PIK3C2B: variants seen among roughly 807,000 people sequenced by gnomAD.
The protein encoded by PIK3C2B is phosphatidylinositol-4-phosphate 3-kinase catalytic subunit type 2 beta.
Under a neutral mutation model 184.3 loss-of-function variants are expected in PIK3C2B, and 83 were observed. The observed-to-expected ratio is 0.45, with a 90% CI of 0.38 to 0.54. The LOEUF is 0.54. PIK3C2B is among the 20% of genes least tolerant of loss of function. PIK3C2B has a pLI of 0.00. For missense variants in PIK3C2B, 1,736 were observed against 2,113.5 expected (o/e 0.82, Z 3.50); for synonymous variants, 779 against 837.6 (o/e 0.93, Z 1.21).
chr1:204,444,858 T>C (rs12077886), intron 16 of PIK3C2B, among the ~76,000 whole-genome samples: 28,630 of 152,214 alleles, frequency 0.19, 3,086 homozygotes, highest in East Asian at 0.44. Context: ...CAGTATTTTA[T>C]ATAAGCCAAT....
At chr1:204,456,360 A>G (rs1654846064) in intron 10 of PIK3C2B, 3 of 233,342 alleles carry the variant, frequency 1.3e-5, no homozygotes, top group Admixed American at 5.7e-5. Flanking sequence ...AGTTGCTTCA[A>G]AAAAGCAAAA....
chr1:204,469,907 TATCA>T (rs1656162176), intron 1 of PIK3C2B, 21 bp from the exon 2 acceptor site: 1 of 670,668 alleles, frequency 1.5e-6, no homozygotes. Flanking sequence ...GGGGTAAAAA[TATCA>T]ATCAGTCACA....
Position 204,459,897 on chromosome 1 carries a change from T to C in PIK3C2B, c.1547A>G (p.Asp516Gly). 6.2e-7 allele frequency: 1 copy of C among 1,613,810 alleles called. No homozygotes were observed. The highest frequency in any genetic ancestry group is 8.5e-7 in the Non-Finnish European group (1 of 1,179,968). ...LLFDTYHNEVDAFLLADGDFP... is the reference protein window; with the variant it reads ...LLFDTYHNEVGAFLLADGDFP... ...ACTCACATCAGCCAGCAGGAAGGCA[T>C]CCACCTCATTGTGGTAAGTGTCGAA... Residue 516 changes from aspartate to glycine, a missense_variant, in exon 8 of 33, where the codon GAT (aspartate) becomes GGT (glycine). Asp to Gly is a moderately conservative substitution (Grantham distance 94, BLOSUM62 -1). This residue lies in a region of PIK3C2B where 609 missense variants were observed against 699.2 expected (regional missense o/e 0.87). Coordinates refer to ENST00000684373, the MANE Select transcript of PIK3C2B (RefSeq NM_001377334.1).
intron 21 of PIK3C2B, 148 bp downstream of exon 21, chr1:204,441,323 A>C: frequency 1.8e-6 from 1 of 568,438 alleles, no homozygotes; most frequent in South Asian, 2.3e-5. Flanking sequence ...GAATTCATCT[A>C]AATCCTTTTT....
chr1:204,485,576 C>T (rs540996477), intron 1 of PIK3C2B, among the ~76,000 whole-genome samples: 1 of 140,438 alleles, frequency 7.1e-6, no homozygotes. Context: ...GTCATTCTTC[C>T]TTTTTTTTTT....
rs1444683756 is a variant in PIK3C2B at position 204,494,786 on chromosome 1, C to T, written c.-515G>A. 6.6e-6 allele frequency: 1 copy of T among 152,058 alleles called. No homozygotes were observed. Among genetic ancestry groups the T allele is most frequent in the Admixed American group, 6.5e-5 (1 of 15,284 alleles). The allele number at this position is 152,058 out of a possible 1,614,324, so 9.4% of individuals were successfully genotyped here. ...ACAGGCAGGCACCCGGCCGCCGGCTCCAGCCGCAGCGCCGAATCCGCCGCG... is the reference window on the plus strand; with the variant it reads ...ACAGGCAGGCACCCGGCCGCCGGCTTCAGCCGCAGCGCCGAATCCGCCGCG... On this transcript the variant is annotated 5_prime_UTR_variant, in exon 1 of 33. Coordinates refer to ENST00000684373, the MANE Select transcript of PIK3C2B (RefSeq NM_001377334.1).
At position 204,447,931 on chromosome 1, in the gene PIK3C2B, T is replaced by C. The variant is rs61762621; in HGVS notation, c.2347-353A>G. Among the ~76,000 whole-genome samples, 963 of 152,072 alleles carry C rather than the reference T, an allele frequency of 6.3e-3. 6 individuals are homozygous for C. The highest frequency in any genetic ancestry group is 0.01 in the Non-Finnish European group (691 of 67,970). ...CAGGCTGAGTCCGGGGTGACTTCCA[T>C]GGGGTGCCAGAGGACACTGCTGCCA... On this transcript the variant is annotated intron_variant, in intron 14 of 32. Coordinates refer to ENST00000684373, the MANE Select transcript of PIK3C2B (RefSeq NM_001377334.1). This position sits in a 1 kb window ranked among gnomAD's most constrained non-coding sequence, Gnocchi z 4.1.
At chr1:204,478,391 A>G (rs1304473648) in intron 1 of PIK3C2B, among the ~76,000 whole-genome samples, 1 of 151,288 alleles carries the variant, frequency 6.6e-6, no homozygotes, top group Non-Finnish European at 1.5e-5. Context: ...CAGGAATCCG[A>G]CTCCTACAGC....
intron 1 of PIK3C2B, among the ~76,000 whole-genome samples, chr1:204,480,981 C>T (rs1657088548): frequency 6.6e-6 from 1 of 152,060 alleles, no homozygotes; most frequent in South Asian, 2.1e-4. Flanking sequence ...TCAAGGCAAT[C>T]CCTAATAGAT....
chr1:204,449,327 T>A, intron 13 of PIK3C2B, 31 bp from the exon 14 acceptor site: 1 of 1,509,630 alleles, frequency 6.6e-7, no homozygotes, highest in Non-Finnish European at 9.1e-7. Context: ...GAAGAGCTGC[T>A]AAAGTGGCTA....
At chr1:204,448,766 C>A (rs1187511044) in intron 14 of PIK3C2B, among the ~76,000 whole-genome samples, 1 of 152,158 alleles carries the variant, frequency 6.6e-6, no homozygotes, top group Non-Finnish European at 1.5e-5. Context: ...GCGTGACCAG[C>A]TCCTCCTCTT....
At chr1:204,488,594 T>C (rs1657793045) in intron 1 of PIK3C2B, among the ~76,000 whole-genome samples, 1 of 152,238 alleles carries the variant, frequency 6.6e-6, no homozygotes, top group South Asian at 2.1e-4. Flanking sequence ...TCAGTGCACA[T>C]TCAATGTACA....
intron 1 of PIK3C2B, among the ~76,000 whole-genome samples, chr1:204,481,642 G>C (rs891680930): frequency 1.3e-5 from 2 of 152,174 alleles, no homozygotes; most frequent in African/African-American, 2.4e-5. Flanking sequence ...TCAGCACCAG[G>C]GGGCAGCTCC....
rs1483023684 is a variant in PIK3C2B at position 204,460,670 on chromosome 1, G to A, written c.1311-9C>T. 6.4e-7 allele frequency: 1 copy of A among 1,572,586 alleles called. No homozygotes were observed. Among genetic ancestry groups the A allele is most frequent in the South Asian group, 1.1e-5 (1 of 90,248 alleles). On this transcript the variant is annotated splice_polypyrimidine_tract_variant and intron_variant, in intron 5 of 32. Transcript: ENST00000684373. ...TGCCCAAGGCATGCTTGCTGGTAGG[G>A]TAGAGGGACAAGACCATTAGCATCC...
intron 1 of PIK3C2B, among the ~76,000 whole-genome samples, chr1:204,485,565 T>C (rs1027303486): frequency 2.0e-5 from 3 of 147,808 alleles, no homozygotes; most frequent in Non-Finnish European, 4.5e-5. Flanking sequence ...GCTCTGATCA[T>C]GTCATTCTTC....
In PIK3C2B at chr1:204,447,691, G is replaced by A; in HGVS notation, c.2347-113C>T. ...CTTGTCCCTCCCTCACTTTCCCTCA[G>A]GTTCTTTGTAAAATAGCCCTGTTAG... On this transcript the variant is annotated intron_variant, in intron 14 of 32. Coordinates refer to ENST00000684373, the MANE Select transcript of PIK3C2B (RefSeq NM_001377334.1). This position sits in a 1 kb window ranked among gnomAD's most constrained non-coding sequence, Gnocchi z 4.1. 1 of 720,636 alleles carries A rather than the reference G, an allele frequency of 1.4e-6. No individual in the cohort carries two copies. The highest frequency in any genetic ancestry group is 1.7e-5 in the South Asian group (1 of 57,270). The allele number at this position is 720,636 out of a possible 1,614,324, so 44.6% of individuals were successfully genotyped here.
Position 204,438,996 on chromosome 1 carries a change from T to C in PIK3C2B, c.3455A>G (p.Lys1152Arg). Reference sequence around the variant, plus strand: ...CAGCCAGTCTGCCAGGGGCCGGTCCTTGAACGAGCCGGTCACCCCATGCTC... The same window carrying C: ...CAGCCAGTCTGCCAGGGGCCGGTCCCTGAACGAGCCGGTCACCCCATGCTC... ...QVEHGVTGSF[K>R]DRPLADWLQK... Residue 1152 changes from lysine (K) to arginine (R), a missense_variant, in exon 23 of 33, where the codon AAG (lysine) becomes AGG (arginine). This residue lies in a region of PIK3C2B where 289 missense variants were observed against 380.4 expected (regional missense o/e 0.76). Transcript: ENST00000684373. 6.2e-7 allele frequency: 1 copy of C among 1,614,142 alleles called. No homozygotes were observed. The highest frequency in any genetic ancestry group is 8.5e-7 in the Non-Finnish European group (1 of 1,180,026).
chr1:204,441,139 G>A (rs1675636560), intron 21 of PIK3C2B, among the ~76,000 whole-genome samples: 2 of 152,134 alleles, frequency 1.3e-5, no homozygotes, highest in Non-Finnish European at 2.9e-5. Flanking sequence ...CTCTTCAGCA[G>A]CCCTGCCACA....
intron 1 of PIK3C2B, among the ~76,000 whole-genome samples, chr1:204,476,834 T>A (rs1009039459): frequency 6.6e-6 from 1 of 152,260 alleles, no homozygotes; most frequent in African/African-American, 2.4e-5. Context: ...CCTGGAGTTA[T>A]ACACCTTGGT....
Sources: gnomAD v4.1 joint callset for allele counts (sites outside exome capture counted in the v4.1 genomes callset) on GRCh38, gnomAD v4.1.1 for gene constraint, gnomAD v4.1.1 regional missense constraint, Gnocchi (gnomAD v3.1) non-coding constraint, MANE v1.5 for transcripts, NCBI Gene and HGNC (gene_info 2026-07-23, HGNC 2026-07-21) for gene names.